Variants in PCDH15 observed in about 807,000 individuals in gnomAD.
PCDH15 encodes the protein protocadherin related 15, also known as protocadherin-15.
Under a neutral mutation model 178.5 loss-of-function variants are expected in PCDH15, and 129 were observed. The observed-to-expected ratio is 0.72, with a 90% CI of 0.63 to 0.84. The LOEUF is 0.84. Among genes scored for constraint, PCDH15 ranks in the 40% least tolerant of loss-of-function variants. The probability of loss-of-function intolerance (pLI) is 0.00; values close to 1 mark genes in which losing one functional copy is unlikely to be tolerated. For synonymous variants in PCDH15, 800 were observed against 732.0 expected, an observed-to-expected ratio of 1.09 and a Z score of -1.50; for missense variants, 2,230 against 2,099.9, an observed-to-expected ratio of 1.06 and a Z score of -1.21.
chr10:54,767,284 A>G (rs1365998976), intron 1 of PCDH15, among the ~76,000 whole-genome samples: 1 of 152,188 alleles, frequency 6.6e-6, no homozygotes, highest in Non-Finnish European at 1.5e-5. Context: ...TGATGAAATT[A>G]AAACTGAACC....
intron 3 of PCDH15, among the ~76,000 whole-genome samples, chr10:54,430,386 A>C (rs151061220): frequency 1.8e-4 from 27 of 152,262 alleles, no homozygotes; most frequent in Middle Eastern, 3.4e-3. Context: ...AGCACATGGA[A>C]CATTCTCAAG....
At chr10:54,470,332 G>T (rs79733930) in intron 3 of PCDH15, among the ~76,000 whole-genome samples, 7,539 of 152,232 alleles carry the variant, frequency 0.05, 231 homozygotes, top group East Asian at 0.11. Context: ...GCTAAAGGTT[G>T]CTGGGTCACT....
At chr10:54,808,683 G>A (rs1952815474) in intron 3 of PCDH15, among the ~76,000 whole-genome samples, 1 of 152,126 alleles carries the variant, frequency 6.6e-6, no homozygotes, top group South Asian at 2.1e-4. Context: ...TGGAGTGAAG[G>A]AATTTGTAAC....
At chr10:54,216,488 A>G (rs113004810) in intron 9 of PCDH15, among the ~76,000 whole-genome samples, 64 of 152,316 alleles carry the variant, frequency 4.2e-4, no homozygotes, top group African/African-American at 1.5e-3. Flanking sequence ...GGCTAGAGAA[A>G]AAACTGTTCA....
chr10:55,285,415 C>T (rs994186129), intron 1 of PCDH15, among the ~76,000 whole-genome samples: 1 of 151,310 alleles, frequency 6.6e-6, no homozygotes, highest in African/African-American at 2.4e-5. Flanking sequence ...TGTTTTTCAG[C>T]ATGCATATTT....
chr10:54,280,349 C>G (rs2058614878), intron 8 of PCDH15, among the ~76,000 whole-genome samples: 1 of 150,766 alleles, frequency 6.6e-6, no homozygotes, highest in Non-Finnish European at 1.5e-5. Flanking sequence ...ATGCCTCTAA[C>G]CACAACCGGG....
intron 14 of PCDH15, among the ~76,000 whole-genome samples, chr10:54,148,483 C>A (rs1335446365): frequency 6.6e-6 from 1 of 151,760 alleles, no homozygotes; most frequent in Non-Finnish European, 1.5e-5. Flanking sequence ...AGAATAATGA[C>A]AAAAAAAGTC....
chr10:54,642,166 G>A (rs1180479424), intron 2 of PCDH15, among the ~76,000 whole-genome samples: 1 of 152,074 alleles, frequency 6.6e-6, no homozygotes, highest in Non-Finnish European at 1.5e-5. Context: ...GAGGCCCCGA[G>A]AGCTGTCTGT....
chr10:54,819,560 T>C (rs904865139), intron 3 of PCDH15, among the ~76,000 whole-genome samples: 3 of 152,060 alleles, frequency 2.0e-5, no homozygotes, highest in African/African-American at 4.8e-5. Flanking sequence ...TTAATGTCAA[T>C]ATTGCATTCA....
chr10:54,430,668 T>A, intron 3 of PCDH15, among the ~76,000 whole-genome samples: 2 of 150,226 alleles, frequency 1.3e-5, no homozygotes, highest in Non-Finnish European at 3.0e-5. Flanking sequence ...AGAAGAAAAT[T>A]TCAAAATAAA....
intron 28 of PCDH15, among the ~76,000 whole-genome samples, chr10:53,856,322 C>G (rs1322329867): frequency 6.6e-6 from 1 of 151,800 alleles, no homozygotes; most frequent in Non-Finnish European, 1.5e-5. Flanking sequence ...ACATCTTTTA[C>G]AGTATCAAAA....
intron 1 of PCDH15, among the ~76,000 whole-genome samples, chr10:54,743,055 C>T (rs1236246724): frequency 1.3e-5 from 2 of 151,894 alleles, no homozygotes; most frequent in African/African-American, 4.8e-5. Context: ...GAGAGCCATA[C>T]AAGCACTAAG....
chr10:55,527,274 G>T (rs1476149333), intron 2 of PCDH15, among the ~76,000 whole-genome samples: 1 of 152,032 alleles, frequency 6.6e-6, no homozygotes, highest in Non-Finnish European at 1.5e-5. Context: ...GAAATCCAAG[G>T]TTAAGGTGTC....
At chr10:55,048,374 A>G (rs548713873) in intron 2 of PCDH15, among the ~76,000 whole-genome samples, 1 of 152,028 alleles carries the variant, frequency 6.6e-6, no homozygotes, top group South Asian at 2.1e-4. Context: ...AGTTTTGTTC[A>G]ATAGAAAAAA....
In PCDH15 at chr10:54,427,269, G is replaced by GTT. The variant is rs71007854; in HGVS notation, c.158-48329_158-48328dup. Among the ~76,000 whole-genome samples the GTT allele has an allele frequency of 3.3e-3, 186 of 56,770 alleles. 30 individuals are homozygous for GTT. The highest frequency in any genetic ancestry group is 0.01 in the African/African-American group (122 of 12,070). 37.2% of individuals were successfully genotyped at this position (56,770 alleles called of 152,430 possible). On this transcript the variant is annotated intron_variant, in intron 3 of 37. Coordinates refer to ENST00000644397, the MANE Select transcript of PCDH15 (RefSeq NM_001384140.1). ...CCTCTCATTTCTTTCTCTTTTTCTG[G>GTT]TTTTTTTTTTTTTTTTTTTTTTTTT... is the stretch of plus-strand genomic sequence containing the variant.
chr10:55,175,700 G>T (rs1241611495), intron 1 of PCDH15, among the ~76,000 whole-genome samples: 2 of 148,726 alleles, frequency 1.3e-5, no homozygotes, highest in African/African-American at 2.5e-5. Context: ...AAAAAGAAAA[G>T]AAAAAAGAAA....
intron 2 of PCDH15, among the ~76,000 whole-genome samples, chr10:55,379,197 T>C (rs1002842023): frequency 8.6e-5 from 13 of 151,926 alleles, no homozygotes; most frequent in African/African-American, 3.1e-4. Flanking sequence ...GAATCTGCCT[T>C]TCCCCTACAG....
chr10:54,470,496 CA>C (rs1186613761), intron 3 of PCDH15, among the ~76,000 whole-genome samples: 4 of 152,114 alleles, frequency 2.6e-5, no homozygotes, highest in Admixed American at 2.6e-4. Context: ...CTCAAAATAG[CA>C]CTCTGCTGTG....
At chr10:54,941,544 GAATA>G (rs1436525879) in intron 2 of PCDH15, among the ~76,000 whole-genome samples, 6 of 151,986 alleles carry the variant, frequency 3.9e-5, no homozygotes, top group Admixed American at 3.3e-4. Flanking sequence ...AACACATTTA[GAATA>G]GATACTTTGA....
Sources: allele counts gnomAD v4.1 joint callset (sites outside exome capture counted in the v4.1 genomes callset), GRCh38; gene constraint gnomAD v4.1.1; transcripts MANE v1.5; gene names NCBI Gene and HGNC (gene_info 2026-07-23, HGNC 2026-07-21).